Variants in ZBTB20 observed in about 807,000 individuals in gnomAD.
ZBTB20 encodes zinc finger and BTB domain containing 20.
Under a neutral mutation model 56.9 loss-of-function variants are expected in ZBTB20, and 9 were observed. The observed-to-expected ratio is 0.16, with a 90% CI of 0.10 to 0.28. The LOEUF is 0.28. Among genes scored for constraint, ZBTB20 ranks in the 10% least tolerant of loss-of-function variants. The probability of loss-of-function intolerance (pLI) is 1.00; values close to 1 mark genes in which losing one functional copy is unlikely to be tolerated. For synonymous variants in ZBTB20, 417 were observed against 420.7 expected, an observed-to-expected ratio of 0.99 and a Z score of 0.11; for missense variants, 655 against 1,003.0, an observed-to-expected ratio of 0.65 and a Z score of 4.69.
At chr3:114,912,028 C>A (rs1232172191) in intron 3 of ZBTB20, among the ~76,000 whole-genome samples, 1 of 151,226 alleles carries the variant, frequency 6.6e-6, no homozygotes, top group African/African-American at 2.4e-5. Flanking sequence ...AGAAAAGAGC[C>A]TTGTTCCATA....
chr3:114,812,807 A>C (rs2072641520), intron 4 of ZBTB20, among the ~76,000 whole-genome samples: 1 of 152,222 alleles, frequency 6.6e-6, no homozygotes, highest in Non-Finnish European at 1.5e-5. Context: ...GGGGAGGCTC[A>C]GGCATGGCGG....
At chr3:115,142,437 C>G (rs986347862) in intron 1 of ZBTB20, among the ~76,000 whole-genome samples, 1 of 152,020 alleles carries the variant, frequency 6.6e-6, no homozygotes, top group Non-Finnish European at 1.5e-5. Context: ...CCAAGGCAGG[C>G]AGATCACGAG....
At chr3:114,745,429 G>A (rs1426615952) in intron 5 of ZBTB20, among the ~76,000 whole-genome samples, 3 of 152,124 alleles carry the variant, frequency 2.0e-5, no homozygotes, top group Non-Finnish European at 4.4e-5. Context: ...TTACACATAA[G>A]GGAAGAGTCT....
chr3:114,434,065 C>T (rs1041115529), intron 7 of ZBTB20, among the ~76,000 whole-genome samples: 1 of 152,116 alleles, frequency 6.6e-6, no homozygotes, highest in African/African-American at 2.4e-5. Context: ...GTCAATGGGT[C>T]TGTGTTAGTT....
intron 4 of ZBTB20, among the ~76,000 whole-genome samples, chr3:114,811,968 C>T (rs1029956586): frequency 1.3e-5 from 2 of 152,172 alleles, no homozygotes; most frequent in African/African-American, 4.8e-5. Flanking sequence ...TTTGTTCCTT[C>T]TGATGTTCGG....
At chr3:114,452,153 G>A (rs1158708713) in intron 7 of ZBTB20, among the ~76,000 whole-genome samples, 1 of 151,912 alleles carries the variant, frequency 6.6e-6, no homozygotes, top group Admixed American at 6.6e-5. Flanking sequence ...AGAATTCAGG[G>A]AGAAAAAATA....
At chr3:114,657,804 T>C (rs181725500) in intron 6 of ZBTB20, among the ~76,000 whole-genome samples, 2 of 152,290 alleles carry the variant, frequency 1.3e-5, no homozygotes, top group Non-Finnish European at 2.9e-5. Context: ...TGTGGTGTTT[T>C]TTTTTTAAGT....
intron 4 of ZBTB20, among the ~76,000 whole-genome samples, chr3:114,885,290 CA>C (rs778592088): frequency 1.8e-4 from 28 of 152,194 alleles, no homozygotes; most frequent in Admixed American, 5.2e-4. Flanking sequence ...TTCTTGTACA[CA>C]AGATCTTCCC....
At chr3:114,472,755 G>T (rs996962405) in intron 7 of ZBTB20, among the ~76,000 whole-genome samples, 2 of 151,984 alleles carry the variant, frequency 1.3e-5, no homozygotes, top group Non-Finnish European at 2.9e-5. Context: ...TCCCTTCTGT[G>T]TGGCCCAATA....
intron 11 of ZBTB20, among the ~76,000 whole-genome samples, chr3:114,344,726 T>C (rs957402966): frequency 2.6e-5 from 4 of 152,234 alleles, no homozygotes; most frequent in African/African-American, 9.6e-5. Flanking sequence ...ATATAATTAA[T>C]AGTCCAAGCT....
At chr3:114,601,824 T>G (rs2056781785) in intron 6 of ZBTB20, among the ~76,000 whole-genome samples, 1 of 152,012 alleles carries the variant, frequency 6.6e-6, no homozygotes, top group Non-Finnish European at 1.5e-5. Context: ...TTATTTGGTT[T>G]GTGAAAGAGA....
At chr3:114,781,579 C>T (rs1181383127) in intron 5 of ZBTB20, among the ~76,000 whole-genome samples, 2 of 152,120 alleles carry the variant, frequency 1.3e-5, no homozygotes, top group African/African-American at 4.8e-5. Flanking sequence ...TATTCTCATC[C>T]TTTTAAGGGG....
intron 5 of ZBTB20, among the ~76,000 whole-genome samples, chr3:114,796,113 C>G (rs1248761837): frequency 1.3e-5 from 2 of 151,858 alleles, no homozygotes; most frequent in African/African-American, 4.8e-5. Context: ...GCTACAAGTC[C>G]AAAATCAAGT....
chr3:114,899,704 C>A (rs2075030943), intron 4 of ZBTB20, among the ~76,000 whole-genome samples: 1 of 152,152 alleles, frequency 6.6e-6, no homozygotes, highest in African/African-American at 2.4e-5. Flanking sequence ...ACAAGCTTCT[C>A]TGTGCTCTCA....
At chr3:114,891,805 G>GAGCTA (rs2076820334) in intron 4 of ZBTB20, among the ~76,000 whole-genome samples, 2 of 152,134 alleles carry the variant, frequency 1.3e-5, no homozygotes, top group Admixed American at 1.3e-4. Flanking sequence ...CTAGCACTTT[G>GAGCTA]GGAGGCCCAG....
intron 4 of ZBTB20, among the ~76,000 whole-genome samples, chr3:114,810,571 T>A (rs2072446881): frequency 6.6e-6 from 1 of 152,212 alleles, no homozygotes; most frequent in Admixed American, 6.5e-5. Context: ...CACTCCCGGC[T>A]AAAACACTGT....
intron 7 of ZBTB20, among the ~76,000 whole-genome samples, chr3:114,466,692 G>A (rs6765749): frequency 0.12 from 17,618 of 152,236 alleles, 1,509 homozygotes; most frequent in East Asian, 0.27. Flanking sequence ...CATGTGCAAT[G>A]CGCAACCATC....
intron 5 of ZBTB20, among the ~76,000 whole-genome samples, chr3:114,780,580 C>A (rs902213406): frequency 6.6e-6 from 1 of 152,106 alleles, no homozygotes. Flanking sequence ...CTCCACCTCC[C>A]GGGTTCAAGC....
At chr3:114,936,157 A>G (rs371250200) in intron 3 of ZBTB20, among the ~76,000 whole-genome samples, 11 of 152,328 alleles carry the variant, frequency 7.2e-5, no homozygotes, top group African/African-American at 2.6e-4. Flanking sequence ...CAGAAGAAAA[A>G]AAACAAGATT....
Sources: gnomAD v4.1 joint callset for allele counts (sites outside exome capture counted in the v4.1 genomes callset) on GRCh38, gnomAD v4.1.1 for gene constraint, MANE v1.5 for transcripts, NCBI Gene and HGNC (gene_info 2026-07-23, HGNC 2026-07-21) for gene names.